The following CSMD1 variants were observed in gnomAD, a reference collection of about 807,000 sequenced individuals.
CSMD1 encodes the protein CUB and sushi domain-containing protein 1.
A neutral mutation model predicts 417.5 loss-of-function variants in CSMD1; 213 were observed. The ratio of observed to expected loss-of-function variants is 0.51; its 90% CI spans 0.46 to 0.57. The LOEUF (loss-of-function observed/expected upper bound fraction) is 0.57, where lower values mean the gene tolerates loss of function less well. Among genes scored for constraint, CSMD1 ranks in the 20% least tolerant of loss-of-function variants. The probability of loss-of-function intolerance (pLI) is 0.00; values close to 1 mark genes in which losing one functional copy is unlikely to be tolerated. For missense variants in CSMD1, 6,923 were observed against 4,529.7 expected (o/e 1.53, Z -15.17); for synonymous variants, 2,862 against 1,736.8 (o/e 1.65, Z -16.11).
At chr8:4,225,613 T>C (rs547620883) in intron 3 of CSMD1, among the ~76,000 whole-genome samples, 1 of 152,030 alleles carries the variant, frequency 6.6e-6, no homozygotes, top group Non-Finnish European at 1.5e-5. Flanking sequence ...TATGCTGTTG[T>C]CCATTTTCCT....
intron 3 of CSMD1, among the ~76,000 whole-genome samples, chr8:4,044,965 T>C (rs1563358156): frequency 6.6e-6 from 1 of 152,202 alleles, no homozygotes; most frequent in Non-Finnish European, 1.5e-5. Context: ...ATATTCAACA[T>C]CTTGTTCACG....
chr8:3,264,175 G>A (rs1364892334), intron 26 of CSMD1, among the ~76,000 whole-genome samples: 1 of 152,060 alleles, frequency 6.6e-6, no homozygotes, highest in Non-Finnish European at 1.5e-5. Context: ...TCTGTATATT[G>A]ACACAAGGCA....
At chr8:4,332,067 G>C (rs916722344) in intron 3 of CSMD1, among the ~76,000 whole-genome samples, 18 of 151,938 alleles carry the variant, frequency 1.2e-4, no homozygotes, top group African/African-American at 4.4e-4. Context: ...TATCAGTTTG[G>C]CTCCACTGAA....
chr8:4,905,626 T>C (rs551323804), intron 1 of CSMD1, among the ~76,000 whole-genome samples: 39 of 151,846 alleles, frequency 2.6e-4, no homozygotes, highest in South Asian at 2.5e-3. Context: ...GAGGCCATCC[T>C]GGCTAACACG....
intron 41 of CSMD1, among the ~76,000 whole-genome samples, chr8:3,126,594 A>G (rs1293435913): frequency 1.3e-5 from 2 of 152,180 alleles, no homozygotes; most frequent in Non-Finnish European, 2.9e-5. Flanking sequence ...ACACATACAG[A>G]AGCTCACCAA....
intron 26 of CSMD1, among the ~76,000 whole-genome samples, chr8:3,260,832 A>G (rs375189214): frequency 3.4e-4 from 52 of 152,340 alleles, no homozygotes; most frequent in Middle Eastern, 3.4e-3. Context: ...TTGCTCTAAA[A>G]AAGACCCTGT....
intron 2 of CSMD1, among the ~76,000 whole-genome samples, chr8:4,508,580 T>C (rs958485267): frequency 1.3e-5 from 2 of 152,130 alleles, no homozygotes; most frequent in African/African-American, 2.4e-5. Context: ...AATCAGAATA[T>C]GCCATATTTT....
At chr8:4,178,402 A>G (rs1488632177) in intron 3 of CSMD1, among the ~76,000 whole-genome samples, 1 of 151,012 alleles carries the variant, frequency 6.6e-6, no homozygotes, top group Admixed American at 6.6e-5. Flanking sequence ...AAAAACTCTC[A>G]ATAAATTAGG....
intron 6 of CSMD1, among the ~76,000 whole-genome samples, chr8:3,734,944 T>A (rs539763936): frequency 6.6e-6 from 1 of 152,136 alleles, no homozygotes; most frequent in Non-Finnish European, 1.5e-5. Context: ...ATCCAAACCC[T>A]CCAGAGTAGC....
rs372649823 is a variant in CSMD1, at chr8:3,232,961, G to C, written c.4154-2730C>G. Among the ~76,000 whole-genome samples, 120 of 151,760 alleles carry C rather than the reference G, an allele frequency of 7.9e-4. No individual in the cohort carries two copies. In the South Asian group the frequency reaches 0.015, roughly 19 times the overall value. On this transcript the variant is annotated intron_variant, in intron 26 of 69. Coordinates refer to ENST00000635120, the MANE Select transcript of CSMD1 (RefSeq NM_033225.6). ...TATTTAAAAAAAAAATCTTAAATTAGACATTGTCATTGTCCATTTGTTTTT... is the reference window on the plus strand; with the variant it reads ...TATTTAAAAAAAAAATCTTAAATTACACATTGTCATTGTCCATTTGTTTTT...
intron 49 of CSMD1, among the ~76,000 whole-genome samples, chr8:3,075,280 CTTT>C (rs567862698): frequency 7.6e-5 from 3 of 39,380 alleles, no homozygotes; most frequent in Non-Finnish European, 2.3e-4. Flanking sequence ...TTCTTTCTTT[CTTT>C]TTTTTTTTTT....
intron 48 of CSMD1, among the ~76,000 whole-genome samples, chr8:3,090,316 CAAAAAAAAAA>C (rs35534326): frequency 6.3e-5 from 5 of 79,808 alleles, no homozygotes; most frequent in Non-Finnish European, 6.9e-5. Context: ...GACTGTATTT[CAAAAAAAAAA>C]AAAAAAAAAA....
intron 1 of CSMD1, among the ~76,000 whole-genome samples, chr8:4,807,490 C>T (rs1798656948): frequency 6.6e-6 from 1 of 152,262 alleles, no homozygotes; most frequent in East Asian, 1.9e-4. Flanking sequence ...CTGAGCCCAG[C>T]CCATCCTGAA....
intron 3 of CSMD1, among the ~76,000 whole-genome samples, chr8:4,122,340 G>A (rs1363903748): frequency 1.3e-5 from 2 of 152,126 alleles, no homozygotes; most frequent in African/African-American, 4.8e-5. Context: ...TTTAACCCAA[G>A]AAGAAATAGG....
chr8:3,275,726 C>T (rs1006614257), intron 26 of CSMD1, among the ~76,000 whole-genome samples: 6 of 152,192 alleles, frequency 3.9e-5, no homozygotes, highest in African/African-American at 7.2e-5. Flanking sequence ...CGCATCGGCT[C>T]CTGAGGCTTC....
intron 3 of CSMD1, among the ~76,000 whole-genome samples, chr8:4,347,301 G>A (rs920158026): frequency 7.2e-5 from 11 of 152,122 alleles, no homozygotes; most frequent in African/African-American, 2.7e-4. Context: ...AGCAGCAGCA[G>A]CAACTATAAA....
intron 3 of CSMD1, among the ~76,000 whole-genome samples, chr8:4,096,579 CCTTTT>C (rs778513202): frequency 1.2e-4 from 18 of 152,142 alleles, no homozygotes; most frequent in Admixed American, 5.2e-4. Context: ...ACTAAGGATA[CCTTTT>C]CTTAAGTTTG....
intron 3 of CSMD1, among the ~76,000 whole-genome samples, chr8:4,203,856 T>C (rs1376407499): frequency 6.6e-6 from 1 of 152,034 alleles, no homozygotes; most frequent in African/African-American, 2.4e-5. Context: ...TCCCAGCACT[T>C]TTGGAAGGCT....
intron 16 of CSMD1, among the ~76,000 whole-genome samples, chr8:3,397,161 C>T (rs536042260): frequency 2.6e-5 from 4 of 152,244 alleles, no homozygotes; most frequent in South Asian, 2.1e-4. Context: ...ATCTGATCCT[C>T]GAAGAGCTAA....
Sources: gnomAD v4.1 joint callset for allele counts (sites outside exome capture counted in the v4.1 genomes callset) on GRCh38, gnomAD v4.1.1 for gene constraint, MANE v1.5 for transcripts, NCBI Gene and HGNC (gene_info 2026-07-23, HGNC 2026-07-21) for gene names.